Variants in MYO16 observed in about 807,000 individuals in gnomAD.
MYO16 encodes myosin XVI, also known as unconventional myosin-XVI.
MYO16 carries 94 observed loss-of-function variants against 205.3 expected under a neutral mutation model. The observed-to-expected ratio is 0.46, with a 90% CI of 0.39 to 0.54. MYO16 has a LOEUF of 0.54. Ranked by LOEUF, MYO16 falls within the 20% of genes least tolerant of loss-of-function variation. The pLI is 0.00. For synonymous variants in MYO16, 988 were observed against 954.0 expected (o/e 1.04, Z -0.66); for missense variants, 2,315 against 2,387.5 (o/e 0.97, Z 0.63).
chr13:108,882,355 T>G (rs572628808), intron 12 of MYO16, among the ~76,000 whole-genome samples: 1 of 152,168 alleles, frequency 6.6e-6, no homozygotes, highest in Non-Finnish European at 1.5e-5. Flanking sequence ...TGCCCTTGAC[T>G]CTCCTTCAGT....
At chr13:108,718,290 A>G (rs1487962895) in intron 3 of MYO16, among the ~76,000 whole-genome samples, 1 of 151,990 alleles carries the variant, frequency 6.6e-6, no homozygotes, top group Non-Finnish European at 1.5e-5. Flanking sequence ...AACCCTGCCC[A>G]CCCACCTGGA....
chr13:109,019,872 C>T lies in MYO16; in HGVS notation c.2757C>T (p.Asp919=). The change falls in exon 23 of 35, where the codon GAC becomes GAT. Residue 919 remains aspartate (D), a synonymous_variant. Transcript: ENST00000457511. Reference sequence around the variant, plus strand: ...GGAATGGGAATGTTGCCCTCAAAGACCACGGTACAGCCTTCACCATCATGC... The same window carrying T: ...GGAATGGGAATGTTGCCCTCAAAGATCACGGTACAGCCTTCACCATCATGC... ...KDGNGNVALK[D]HGTAFTIMHY... The T allele has an allele frequency of 6.2e-7, 1 of 1,614,144 alleles. No individual in the cohort carries two copies. The highest frequency in any genetic ancestry group is 8.5e-7 in the Non-Finnish European group (1 of 1,180,016).
chr13:108,537,475 T>C, the MYO16 span, among the ~76,000 whole-genome samples: 52 of 152,244 alleles, frequency 3.4e-4, no homozygotes, highest in South Asian at 0.011. Context: ...ACTATAGGTG[T>C]CTTTTTGATA....
At chr13:108,708,047 A>C (rs1220468330) in intron 2 of MYO16, among the ~76,000 whole-genome samples, 3 of 152,164 alleles carry the variant, frequency 2.0e-5, no homozygotes, top group African/African-American at 7.2e-5. Flanking sequence ...TATTATTACA[A>C]TTTCACAGAG....
the MYO16 span, among the ~76,000 whole-genome samples, chr13:108,544,999 T>TC: frequency 6.6e-6 from 1 of 152,032 alleles, no homozygotes; most frequent in Non-Finnish European, 1.5e-5. Context: ...TTTTCTTTTT[T>TC]TTTTAATTTT....
At chr13:109,186,843 C>T (rs1235873792) in intron 34 of MYO16, among the ~76,000 whole-genome samples, 1 of 152,162 alleles carries the variant, frequency 6.6e-6, no homozygotes, top group Non-Finnish European at 1.5e-5. Flanking sequence ...GAAAATGCCT[C>T]TAACTTACAA....
the MYO16 span, among the ~76,000 whole-genome samples, chr13:108,539,939 G>T: frequency 2.0e-5 from 3 of 152,230 alleles, no homozygotes; most frequent in East Asian, 5.8e-4. Context: ...AGAAATGTGA[G>T]TTGGAAAAAG....
chr13:109,097,902 A>G (rs1272490660), intron 27 of MYO16, among the ~76,000 whole-genome samples: 1 of 152,194 alleles, frequency 6.6e-6, no homozygotes, highest in Non-Finnish European at 1.5e-5. Context: ...AATCCAGGAA[A>G]AGTCATACAC....
intron 20 of MYO16, among the ~76,000 whole-genome samples, chr13:108,980,229 A>G (rs1884405567): frequency 6.6e-6 from 1 of 152,250 alleles, no homozygotes; most frequent in Non-Finnish European, 1.5e-5. Flanking sequence ...AGGCCAAAAA[A>G]TCCATTTAGC....
chr13:108,898,170 C>T (rs578223249), intron 15 of MYO16, 37 bp downstream of exon 15: 11 of 1,516,988 alleles, frequency 7.3e-6, no homozygotes, highest in South Asian at 5.6e-5. Flanking sequence ...TTTCCTGTGC[C>T]GAGCCAGCAT....
intron 23 of MYO16, among the ~76,000 whole-genome samples, chr13:109,022,524 T>C (rs1371427761): frequency 3.8e-5 from 5 of 132,978 alleles, no homozygotes; most frequent in African/African-American, 1.4e-4. Flanking sequence ...ATTTGTTATA[T>C]ATACAATATA....
chr13:109,049,608 C>T (rs1887170490), intron 24 of MYO16, among the ~76,000 whole-genome samples: 1 of 151,824 alleles, frequency 6.6e-6, no homozygotes, highest in Non-Finnish European at 1.5e-5. Context: ...TACCCACCTT[C>T]TCAGTAATGT....
chr13:108,573,655 A>C, the MYO16 span, among the ~76,000 whole-genome samples: 1 of 152,166 alleles, frequency 6.6e-6, no homozygotes, highest in Non-Finnish European at 1.5e-5. Flanking sequence ...GTCAGAGATA[A>C]CACTGAGCAG....
intron 23 of MYO16, among the ~76,000 whole-genome samples, chr13:109,044,121 G>C (rs1886966460): frequency 3.3e-5 from 5 of 150,372 alleles, no homozygotes. Flanking sequence ...CTACAATTAG[G>C]AATGACTGAC....
chr13:108,705,536 T>C (rs1883476968), intron 2 of MYO16, among the ~76,000 whole-genome samples: 1 of 152,242 alleles, frequency 6.6e-6, no homozygotes, highest in South Asian at 2.1e-4. Flanking sequence ...TGTTCTATTG[T>C]ATTATTGTCA....
intron 27 of MYO16, among the ~76,000 whole-genome samples, chr13:109,067,066 A>C (rs909276721): frequency 1.3e-5 from 2 of 152,174 alleles, no homozygotes; most frequent in Admixed American, 1.3e-4. Context: ...TCAGAACGTC[A>C]GTGTAACTTA....
chr13:109,072,745 G>A (rs1887965187), intron 27 of MYO16, among the ~76,000 whole-genome samples: 1 of 152,190 alleles, frequency 6.6e-6, no homozygotes, highest in African/African-American at 2.4e-5. Flanking sequence ...GTAAGGTTGT[G>A]ATAAGACATA....
At chr13:108,677,244 A>T (rs1209079945) in intron 2 of MYO16, among the ~76,000 whole-genome samples, 9 of 150,882 alleles carry the variant, frequency 6.0e-5, no homozygotes, top group Admixed American at 3.3e-4. Context: ...TTCTATCTCT[A>T]TTCCTAGCAC....
chr13:108,695,671 A>G (rs1883065101), intron 2 of MYO16, among the ~76,000 whole-genome samples: 1 of 152,214 alleles, frequency 6.6e-6, no homozygotes, highest in South Asian at 2.1e-4. Flanking sequence ...CTTAGTAAGC[A>G]GTTACTTACT....
Sources: gnomAD v4.1 joint callset for allele counts (sites outside exome capture counted in the v4.1 genomes callset) on GRCh38, gnomAD v4.1.1 for gene constraint, MANE v1.5 for transcripts, NCBI Gene and HGNC (gene_info 2026-07-23, HGNC 2026-07-21) for gene names.